Variants in EPM2A observed in about 807,000 individuals in gnomAD.
EPM2A encodes laforin.
A neutral mutation model predicts 26.5 loss-of-function variants in EPM2A; 21 were observed. The ratio of observed to expected loss-of-function variants is 0.79; its 90% CI spans 0.56 to 1.14. EPM2A has a LOEUF of 1.14. Among genes scored for constraint, EPM2A ranks in the 50% most tolerant of loss-of-function variants. EPM2A has a pLI of 0.00. For synonymous variants in EPM2A, 217 were observed against 177.6 expected (o/e 1.22, Z -1.76); for missense variants, 458 against 440.8 (o/e 1.04, Z -0.35).
intron 2 of EPM2A, among the ~76,000 whole-genome samples, chr6:145,528,284 T>C (rs995267166): frequency 6.6e-6 from 1 of 152,120 alleles, no homozygotes; most frequent in Admixed American, 6.6e-5. Flanking sequence ...ACAACAGATT[T>C]TCAATGTAGA....
intron 1 of EPM2A, among the ~76,000 whole-genome samples, chr6:145,693,119 AT>A (rs1160177236): frequency 6.6e-6 from 1 of 151,494 alleles, no homozygotes; most frequent in African/African-American, 2.4e-5. Context: ...TTGTTGCAGA[AT>A]TCTTTCATGT....
upstream of EPM2A, chr6:145,735,605 G>A (rs950165244): frequency 1.1e-4 from 123 of 1,081,126 alleles, 2 homozygotes; most frequent in South Asian, 4.8e-3. Context: ...TGGGAGCCCC[G>A]GGCACCGGGG....
intron 4 of EPM2A, among the ~76,000 whole-genome samples, chr6:145,431,066 C>T (rs1314458412): frequency 6.6e-6 from 1 of 152,074 alleles, no homozygotes; most frequent in Non-Finnish European, 1.5e-5. Flanking sequence ...CAAATACTCC[C>T]CCAGAAAACA....
At position 145,422,072 on chromosome 6, in the gene EPM2A, T is replaced by TAG. The variant is rs1327374491; in HGVS notation, c.556-37976_556-37975insCT. ...ATATATGAGTGTATATATATATATA[T>TAG]ATATAGAGAGAGAGAGAGAGATAAT... On this transcript the variant is annotated intron_variant, in intron 4 of 4. Coordinates refer to the EPM2A transcript ENST00000638717. 7.4e-3 allele frequency among the ~76,000 whole-genome samples: 935 copies of TAG among 127,126 alleles called. 8 individuals carry two copies. The highest frequency in any genetic ancestry group is 0.03 in the Admixed American group (339 of 11,488). 83.4% of individuals were successfully genotyped at this position (127,126 alleles called of 152,430 possible). A position where few individuals can be genotyped will look rare whatever the true frequency, so the allele number is the denominator to read the frequency against.
intron 4 of EPM2A, among the ~76,000 whole-genome samples, chr6:145,410,171 C>A (rs529869024): frequency 6.6e-6 from 1 of 152,106 alleles, no homozygotes; most frequent in Non-Finnish European, 1.5e-5. Flanking sequence ...GTTGCAAGAG[C>A]TAAATCAATG....
At chr6:145,703,891 T>C (rs1281846207) in intron 1 of EPM2A, among the ~76,000 whole-genome samples, 2 of 152,214 alleles carry the variant, frequency 1.3e-5, no homozygotes, top group African/African-American at 4.8e-5. Flanking sequence ...ATCAAGGATT[T>C]CACATAACAA....
intron 2 of EPM2A, among the ~76,000 whole-genome samples, chr6:145,522,656 T>C (rs990302161): frequency 3.3e-5 from 5 of 152,216 alleles, no homozygotes; most frequent in African/African-American, 1.2e-4. Context: ...TATGGTTTTG[T>C]TCATTCTTAA....
chr6:145,702,158 C>T (rs1781949668), intron 1 of EPM2A, among the ~76,000 whole-genome samples: 1 of 152,168 alleles, frequency 6.6e-6, no homozygotes, highest in Non-Finnish European at 1.5e-5. Context: ...TCTTCAGCGT[C>T]CTGCAATATG....
At chr6:145,718,640 G>A (rs1403491812) in intron 1 of EPM2A, among the ~76,000 whole-genome samples, 7 of 152,152 alleles carry the variant, frequency 4.6e-5, no homozygotes, top group African/African-American at 1.7e-4. Flanking sequence ...AAACTAAAGA[G>A]CTTCTGCACA....
At chr6:145,735,132 G>C in intron 1 of EPM2A, 66 bp downstream of exon 1, 1 of 1,269,184 alleles carries the variant, frequency 7.9e-7, no homozygotes, top group Non-Finnish European at 1.1e-6. Context: ...CGAGGCCGAG[G>C]CCCCGGTTGG....
chr6:145,560,021 C>T lies in EPM2A; in HGVS notation c.341-57446G>A, dbSNP rs544980025. On this transcript the variant is annotated intron_variant, in intron 2 of 3. Transcript: ENST00000450221. ...TGAACATGCAATAATAACAGGAAGGCAAGTTCTCAAATGTTAAAGTACATT... is the reference window on the plus strand; with the variant it reads ...TGAACATGCAATAATAACAGGAAGGTAAGTTCTCAAATGTTAAAGTACATT... Among the ~76,000 whole-genome samples, 5 of 152,184 alleles carry T rather than the reference C, an allele frequency of 3.3e-5. No homozygotes were observed. In the East Asian group the frequency reaches 9.7e-4, roughly 29 times the overall value.
chr6:145,452,589 G>A (rs1355663764), intron 4 of EPM2A, among the ~76,000 whole-genome samples: 6 of 148,386 alleles, frequency 4.0e-5, no homozygotes, highest in African/African-American at 1.5e-4. Flanking sequence ...GGAGAATGGC[G>A]TGAACCCAGG....
At chr6:145,705,975 A>C (rs1321132638) in intron 1 of EPM2A, 1 of 456,356 alleles carries the variant, frequency 2.2e-6, no homozygotes, top group Non-Finnish European at 4.4e-6. Context: ...TGGGAATTCA[A>C]GCAATTTATT....
chr6:145,631,884 C>A (rs1300099885), intron 3 of EPM2A: 1 of 152,092 alleles, frequency 6.6e-6, no homozygotes, highest in African/African-American at 2.4e-5. Flanking sequence ...CACACACACA[C>A]ACACACACAC....
chr6:145,635,220 G>C, intron 3 of EPM2A, 25 bp downstream of exon 3: 1 of 1,613,944 alleles, frequency 6.2e-7, no homozygotes, highest in Non-Finnish European at 8.5e-7. Context: ...ATACAGCAAG[G>C]AGGCAGAACA....
intron 2 of EPM2A, among the ~76,000 whole-genome samples, chr6:145,518,247 T>C (rs1490692337): frequency 6.6e-6 from 1 of 152,138 alleles, no homozygotes; most frequent in Non-Finnish European, 1.5e-5. Context: ...AAGATTGCTG[T>C]TTTATGTTCT....
intron 4 of EPM2A, among the ~76,000 whole-genome samples, chr6:145,450,024 A>G (rs1351773032): frequency 1.3e-5 from 2 of 151,956 alleles, no homozygotes; most frequent in African/African-American, 2.4e-5. Flanking sequence ...TAAAATAAAA[A>G]TAATAGACAA....
At chr6:145,386,213 A>G (rs1778259743) in intron 4 of EPM2A, among the ~76,000 whole-genome samples, 1 of 152,162 alleles carries the variant, frequency 6.6e-6, no homozygotes, top group Non-Finnish European at 1.5e-5. Flanking sequence ...CATAGTGCCT[A>G]GCTCAGCGTT....
intron 1 of EPM2A, among the ~76,000 whole-genome samples, chr6:145,732,411 C>CATAT (rs759887054): frequency 5.0e-4 from 28 of 56,352 alleles, no homozygotes; most frequent in East Asian, 4.5e-3. Context: ...CACACACACA[C>CATAT]ATATATATAT....
Sources: gnomAD v4.1 joint callset for allele counts (sites outside exome capture counted in the v4.1 genomes callset) on GRCh38, gnomAD v4.1.1 for gene constraint, MANE v1.5 for transcripts, NCBI Gene and HGNC (gene_info 2026-07-23, HGNC 2026-07-21) for gene names.